ADAMTS6: variants seen among roughly 807,000 people sequenced by gnomAD.
ADAMTS6 encodes the protein A disintegrin and metalloproteinase with thrombospondin motifs 6.
ADAMTS6 carries 23 observed loss-of-function variants against 144.3 expected under a neutral mutation model. The ratio of observed to expected loss-of-function variants is 0.16; its 90% CI spans 0.11 to 0.23. ADAMTS6 has a LOEUF of 0.23. Ranked by LOEUF, ADAMTS6 falls within the 10% of genes least tolerant of loss-of-function variation. The probability of loss-of-function intolerance (pLI) is 1.00; values close to 1 mark genes in which losing one functional copy is unlikely to be tolerated. For synonymous variants in ADAMTS6, 444 were observed against 457.5 expected (o/e 0.97, Z 0.38); for missense variants, 999 against 1,379.6 (o/e 0.72, Z 4.37).
chr5:65,169,720 G>T lies in ADAMTS6; in HGVS notation c.3244+897C>A, dbSNP rs530531794. On this transcript the variant is annotated intron_variant, in intron 24 of 24. Transcript: ENST00000381055. The stretch of plus-strand genomic sequence containing the variant: ...ACTATGCAGACATAAAAAATGATGA[G>T]TTCATGTCCTTTGTAGGGACATGGA... Among the ~76,000 whole-genome samples, 57 of 151,798 alleles carry T rather than the reference G, an allele frequency of 3.8e-4. 1 individual carries two copies. The East Asian group carries it at 0.01, about 27-fold the overall frequency.
At chr5:65,390,262 T>C (rs1220540698) in intron 7 of ADAMTS6, among the ~76,000 whole-genome samples, 1 of 152,214 alleles carries the variant, frequency 6.6e-6, no homozygotes, top group Non-Finnish European at 1.5e-5. Context: ...CATTTTAAAG[T>C]GTCTGAATGT....
chr5:65,461,315 A>C (rs184113311), intron 3 of ADAMTS6, among the ~76,000 whole-genome samples: 146 of 152,322 alleles, frequency 9.6e-4, no homozygotes, highest in Non-Finnish European at 1.6e-3. Context: ...ATAAGTTTTC[A>C]ACTCATATTT....
chr5:65,436,298 A>G (rs1375978139), intron 7 of ADAMTS6, among the ~76,000 whole-genome samples: 1 of 152,142 alleles, frequency 6.6e-6, no homozygotes, highest in East Asian at 1.9e-4. Flanking sequence ...GTGACAGAGT[A>G]AGACCTTGTC....
intron 7 of ADAMTS6, among the ~76,000 whole-genome samples, chr5:65,337,359 T>A (rs182384651): frequency 3.9e-5 from 6 of 152,266 alleles, no homozygotes; most frequent in African/African-American, 1.2e-4. Context: ...TACTATTATC[T>A]CATATTTTAC....
chr5:65,428,798 C>A (rs1756763952), intron 7 of ADAMTS6, among the ~76,000 whole-genome samples: 1 of 152,104 alleles, frequency 6.6e-6, no homozygotes, highest in African/African-American at 2.4e-5. Context: ...GTATGGAAAT[C>A]AAGGCTTGCT....
chr5:65,352,466 G>A (rs964719334), intron 7 of ADAMTS6, among the ~76,000 whole-genome samples: 6 of 151,976 alleles, frequency 3.9e-5, no homozygotes, highest in South Asian at 2.1e-4. Flanking sequence ...GGGAAGGGAC[G>A]GGGTAAGAAA....
intron 7 of ADAMTS6, among the ~76,000 whole-genome samples, chr5:65,401,753 TTATAGA>T (rs1051940180): frequency 2.6e-5 from 4 of 152,224 alleles, no homozygotes; most frequent in African/African-American, 9.6e-5. Context: ...CTCACTTCTC[TTATAGA>T]TGTAAGAAGA....
At chr5:65,278,655 C>T (rs985484183) in intron 11 of ADAMTS6, among the ~76,000 whole-genome samples, 57 of 152,270 alleles carry the variant, frequency 3.7e-4, no homozygotes, top group African/African-American at 1.3e-3. Flanking sequence ...TTTACCAGTG[C>T]TTTTAATGCC....
At chr5:65,315,989 G>C (rs1341566640) in intron 9 of ADAMTS6, among the ~76,000 whole-genome samples, 2 of 152,128 alleles carry the variant, frequency 1.3e-5, no homozygotes, top group Non-Finnish European at 2.9e-5. Flanking sequence ...TCAGCTCACT[G>C]CAACCTCTGC....
chr5:65,294,558 A>G (rs1742646370), intron 10 of ADAMTS6, among the ~76,000 whole-genome samples: 2 of 152,156 alleles, frequency 1.3e-5, no homozygotes, highest in African/African-American at 2.4e-5. Flanking sequence ...TGCTTTTTGA[A>G]CTATGTTAAC....
In ADAMTS6 at chr5:65,424,316, G is replaced by A. The variant is rs549432192; in HGVS notation, c.1073+27159C>T. ...GAACTCAAGAAGTAGGCAATTAAAT[G>A]GACAGTTTTAGTTAGAAAATCAAAC... On this transcript the variant is annotated intron_variant, in intron 7 of 24. Coordinates refer to ENST00000381055, the MANE Select transcript of ADAMTS6 (RefSeq NM_197941.4). 2.9e-4 allele frequency among the ~76,000 whole-genome samples: 44 copies of A among 152,226 alleles called. 1 individual carries two copies. The South Asian group carries it at 6.6e-3, about 23-fold the overall frequency.
intron 13 of ADAMTS6, among the ~76,000 whole-genome samples, chr5:65,261,076 T>C (rs566056454): frequency 2.3e-3 from 357 of 152,200 alleles, no homozygotes; most frequent in Non-Finnish European, 3.8e-3. Context: ...AACTAGGAAA[T>C]GGAAAGTTTG....
At chr5:65,227,499 T>G (rs957560815) in intron 15 of ADAMTS6, among the ~76,000 whole-genome samples, 1 of 152,168 alleles carries the variant, frequency 6.6e-6, no homozygotes, top group Non-Finnish European at 1.5e-5. Context: ...CATATCTAAT[T>G]ATGCTGCTAA....
At chr5:65,478,509 A>G (rs558757959) in intron 1 of ADAMTS6, among the ~76,000 whole-genome samples, 1 of 152,342 alleles carries the variant, frequency 6.6e-6, no homozygotes, top group East Asian at 1.9e-4. Context: ...TATCTCACAA[A>G]GACTTGTTAA....
intron 7 of ADAMTS6, among the ~76,000 whole-genome samples, chr5:65,400,243 T>C (rs925304342): frequency 6.6e-5 from 10 of 152,128 alleles, no homozygotes; most frequent in Admixed American, 6.6e-5. Flanking sequence ...CACTCTGTGG[T>C]CCTGGCTGGC....
chr5:65,316,007 G>A (rs1006810759), intron 9 of ADAMTS6, among the ~76,000 whole-genome samples: 9 of 152,120 alleles, frequency 5.9e-5, no homozygotes, highest in African/African-American at 2.2e-4. Context: ...TGCCTCCCGG[G>A]TTCAGGCAAT....
chr5:65,371,552 G>A (rs962738857), intron 7 of ADAMTS6, among the ~76,000 whole-genome samples: 4 of 152,104 alleles, frequency 2.6e-5, no homozygotes, highest in East Asian at 1.9e-4. Flanking sequence ...GAAATGAAGC[G>A]AGAAGGGAAG....
chr5:65,409,682 G>C (rs2150180455), intron 7 of ADAMTS6, among the ~76,000 whole-genome samples: 1 of 152,256 alleles, frequency 6.6e-6, no homozygotes, highest in East Asian at 1.9e-4. Flanking sequence ...AAGCCTAGCA[G>C]AGACACAACA....
intron 2 of ADAMTS6, among the ~76,000 whole-genome samples, chr5:65,471,725 T>C (rs1409370902): frequency 6.6e-6 from 1 of 150,860 alleles, no homozygotes; most frequent in Non-Finnish European, 1.5e-5. Flanking sequence ...GCCACTGCAC[T>C]CCAGCCTGGG....
Sources: gnomAD v4.1 joint callset for allele counts (sites outside exome capture counted in the v4.1 genomes callset) on GRCh38, gnomAD v4.1.1 for gene constraint, MANE v1.5 for transcripts, NCBI Gene and HGNC (gene_info 2026-07-23, HGNC 2026-07-21) for gene names.